Variants in NISCH observed in about 807,000 individuals in gnomAD.
NISCH encodes I-1 receptor candidate protein.
In NISCH, 55 loss-of-function variants were observed where a neutral mutation model predicts 138.4. That is an observed-to-expected ratio of 0.40 (90% CI 0.32 to 0.50). The LOEUF is 0.50. Ranked by LOEUF, NISCH falls within the 20% of genes least tolerant of loss-of-function variation. NISCH has a pLI of 0.71. For synonymous variants in NISCH, 860 were observed against 861.5 expected (o/e 1.00, Z 0.03); for missense variants, 1,643 against 2,005.5 (o/e 0.82, Z 3.45).
chr3:52,479,621 C>T (rs1219035256), intron 11 of NISCH, 128 bp from the exon 12 acceptor site: 13 of 715,100 alleles, frequency 1.8e-5, no homozygotes, highest in African/African-American at 1.4e-4. Flanking sequence ...GCTCACGCCT[C>T]CTCCTCAGCA....
rs1352527217 is a variant in NISCH, at chr3:52,487,343, G to A, written c.1851G>A (p.Gln617=). The change falls in exon 16 of 21, where the codon CAG becomes CAA. Residue 617 remains glutamine, a synonymous_variant. Coordinates refer to ENST00000345716, the MANE Select transcript of NISCH (RefSeq NM_007184.4). This position sits in a 1 kb window ranked among gnomAD's most constrained non-coding sequence, Gnocchi z 9.1. ...TGATCCGGCAGGCCATCGAGCGGCA[G>A]CTGCCTGCCTGGATCGAGGCTGCCA... ...STLIRQAIER[Q]LPAWIEAANQ... 1 of 1,613,908 alleles carries A rather than the reference G, an allele frequency of 6.2e-7. No homozygotes were observed. The highest frequency in any genetic ancestry group is 8.5e-7 in the Non-Finnish European group (1 of 1,180,048).
Position 52,490,757 on chromosome 3 carries a change from C to T in NISCH, c.3666C>T (p.Ser1222=). Reference sequence around the variant, plus strand: ...ACAACAACAGCCCTTTCCACATCTCCCAGTGCTTCGTGCTAAAGCTTAGTG... The same window carrying T: ...ACAACAACAGCCCTTTCCACATCTCTCAGTGCTTCGTGCTAAAGCTTAGTG... ...TDYNNSPFHI[S]QCFVLKLSDL... Residue 1222 remains serine (S), a synonymous_variant, in exon 19 of 21, where the codon TCC becomes TCT. Coordinates refer to ENST00000345716, the MANE Select transcript of NISCH (RefSeq NM_007184.4). 6.2e-7 allele frequency: 1 copy of T among 1,614,224 alleles called. No homozygotes were observed. Among genetic ancestry groups the T allele is most frequent in the Non-Finnish European group, 8.5e-7 (1 of 1,180,032 alleles).
intron 3 of NISCH, chr3:52,470,588 A>G (rs561765106): frequency 5.7e-6 from 3 of 525,122 alleles, no homozygotes; most frequent in East Asian, 3.2e-5. Flanking sequence ...CTCCTGGGCT[A>G]CAGTGCCCTT....
rs1477338359 is a variant in NISCH at position 52,490,186 on chromosome 3, G to T, written c.3568G>T (p.Val1190Leu). ...GCTCTCCACCAAGGCTGTGTACTTT[G>T]TGCTCCACGACGGCCTCCGCCGCTA... ...VLLSTKAVYF[V>L]LHDGLRRYFS... The change falls in exon 18 of 21, where the codon GTG (valine) becomes TTG (leucine). Residue 1190 changes from valine to leucine, a missense_variant. By Grantham distance (32) the Val-to-Leu change is conservative. Transcript: ENST00000345716. The T allele has an allele frequency of 1.2e-6, 2 of 1,613,278 alleles. No homozygotes were observed. Among genetic ancestry groups the T allele is most frequent in the Non-Finnish European group, 1.7e-6 (2 of 1,180,030 alleles).
rs775135784 is a variant in NISCH at position 52,473,847 on chromosome 3, C to G, written c.765+18C>G. On this transcript the variant is annotated intron_variant, in intron 7 of 20. Transcript: ENST00000345716. Reference sequence around the variant, plus strand: ...CGATGAAGGTAAGCTTCACCTATATCCTGCCTGGGGCAATGTCTGTGGATC... The same window carrying G: ...CGATGAAGGTAAGCTTCACCTATATGCTGCCTGGGGCAATGTCTGTGGATC... The G allele has an allele frequency of 2.6e-6, 4 of 1,567,298 alleles. No individual in the cohort carries two copies. Among genetic ancestry groups the G allele is most frequent in the Non-Finnish European group, 3.5e-6 (4 of 1,142,808 alleles).
At chr3:52,459,276 CA>C (rs1209365998) in intron 3 of NISCH, among the ~76,000 whole-genome samples, 3 of 152,154 alleles carry the variant, frequency 2.0e-5, no homozygotes, top group Non-Finnish European at 4.4e-5. Context: ...TCCGCGCTGC[CA>C]GGGTGCTAAG....
chr3:52,481,710 C>T (rs1707279906), intron 13 of NISCH: 1 of 985,566 alleles, frequency 1.0e-6, no homozygotes, highest in African/African-American at 1.7e-5. Flanking sequence ...GGTGGGGATG[C>T]ACCATGTCCC....
chr3:52,464,946 G>A (rs1176914500), intron 3 of NISCH, among the ~76,000 whole-genome samples: 1 of 152,148 alleles, frequency 6.6e-6, no homozygotes, highest in Middle Eastern at 3.2e-3. Flanking sequence ...GGGATAACAG[G>A]CGTAAGCCAC....
At position 52,491,385 on chromosome 3, in the gene NISCH, C is replaced by T. The variant is rs1439202011; in HGVS notation, c.3776C>T (p.Thr1259Met). ...STPMQVVTCL[T>M]RDSYLTHCFL... ...CCGATGCAGGTGGTCACGTGCTTGA[C>T]GCGGGACAGCTACCTGACGCACTGC... Residue 1259 changes from threonine to methionine, a missense_variant, in exon 20 of 21, where the codon ACG becomes ATG. Transcript: ENST00000345716. 1.9e-6 allele frequency: 3 copies of T among 1,612,946 alleles called. No individual in the cohort carries two copies. Among genetic ancestry groups the T allele is most frequent in the East Asian group, 2.2e-5 (1 of 44,886 alleles).
Position 52,480,194 on chromosome 3 carries a change from A to G in NISCH, c.1427A>G (p.Asp476Gly), listed in dbSNP as rs1238872057. ...LSNPEKKGGE[D>G]SRLSAAPCIR... ...AGCACTCGTCCTCAGGGTGGTGAAG[A>G]CTCCCGGCTCTCAGCTGCCCCCTGC... is the stretch of plus-strand genomic sequence containing the variant. The change falls in exon 13 of 21, where the codon GAC (aspartate) becomes GGC (glycine). Residue 476 changes from aspartate to glycine, a missense_variant. Coordinates refer to ENST00000345716, the MANE Select transcript of NISCH (RefSeq NM_007184.4). 2.5e-6 allele frequency: 4 copies of G among 1,612,034 alleles called. No homozygotes were observed. The South Asian group carries it at 4.4e-5, about 18-fold the overall frequency.
intron 3 of NISCH, among the ~76,000 whole-genome samples, chr3:52,461,372 C>G (rs1484001484): frequency 1.3e-5 from 2 of 152,166 alleles, no homozygotes; most frequent in African/African-American, 4.8e-5. Context: ...TTGGCAGGGA[C>G]AGGTGGAAAA....
Position 52,458,778 on chromosome 3 carries a change from G to C in NISCH, c.294G>C (p.Lys98Asn). Residue 98 changes from lysine (K) to asparagine (N), a missense_variant, in exon 3 of 21, where the codon AAG becomes AAC. Physicochemically the swap from Lys to Asn is moderately conservative, Grantham distance 94 (BLOSUM62 0). Transcript: ENST00000345716. ...AGGATCTGGAGGTCTACCTCCAGAAGCTCCTGGCTGCCTTCCCTGGCGTGA... is the reference window on the plus strand; with the variant it reads ...AGGATCTGGAGGTCTACCTCCAGAACCTCCTGGCTGCCTTCCCTGGCGTGA... ...REKDLEVYLQ[K>N]LLAAFPGVTP... 1 of 1,613,002 alleles carries C rather than the reference G, an allele frequency of 6.2e-7. No homozygotes were observed. The highest frequency in any genetic ancestry group is 1.3e-5 in the African/African-American group (1 of 75,020).
At chr3:52,484,462 T>TGGGGCGGCC in intron 13 of NISCH, 51 bp from the exon 14 acceptor site, 1 of 788,670 alleles carries the variant, frequency 1.3e-6, no homozygotes, top group Non-Finnish European at 1.8e-6. Context: ...ACAGCCGCTC[T>TGGGGCGGCC]CCCCGCCCCA....
chr3:52,460,400 ATTTTTT>A (rs60949920), intron 3 of NISCH, among the ~76,000 whole-genome samples: 1 of 114,436 alleles, frequency 8.7e-6, no homozygotes, highest in Non-Finnish European at 1.8e-5. Flanking sequence ...TGGCTGTACT[ATTTTTT>A]TTTTTTTTTT....
chr3:52,484,319 T>C, intron 13 of NISCH, 194 bp from the exon 14 acceptor site: 1 of 553,688 alleles, frequency 1.8e-6, no homozygotes. Flanking sequence ...AGATAAGCAG[T>C]CATTTGTTCT....
intron 7 of NISCH, 55 bp downstream of exon 7, chr3:52,473,884 C>A: frequency 1.6e-6 from 2 of 1,212,316 alleles, no homozygotes; most frequent in Middle Eastern, 2.5e-4. Flanking sequence ...GGGTCCTGGG[C>A]TGTGGTCTCC....
chr3:52,459,759 C>T (rs1002324139), intron 3 of NISCH, among the ~76,000 whole-genome samples: 2 of 151,688 alleles, frequency 1.3e-5, no homozygotes, highest in Admixed American at 6.6e-5. Flanking sequence ...AATAGCAGTT[C>T]TATTTATGAG....
At chr3:52,460,210 AAATC>A (rs1353324105) in intron 3 of NISCH, among the ~76,000 whole-genome samples, 2 of 150,580 alleles carry the variant, frequency 1.3e-5, no homozygotes, top group African/African-American at 4.9e-5. Context: ...AAAAAAAAAA[AAATC>A]AAAGGGTACA....
intron 3 of NISCH, among the ~76,000 whole-genome samples, chr3:52,461,520 C>T (rs1441136599): frequency 6.6e-6 from 1 of 152,120 alleles, no homozygotes; most frequent in African/African-American, 2.4e-5. Flanking sequence ...ATTTGCATTC[C>T]TTATGCAAGT....
Sources: gnomAD v4.1 joint callset for allele counts (sites outside exome capture counted in the v4.1 genomes callset) on GRCh38, gnomAD v4.1.1 for gene constraint, Gnocchi (gnomAD v3.1) non-coding constraint, MANE v1.5 for transcripts, NCBI Gene and HGNC (gene_info 2026-07-23, HGNC 2026-07-21) for gene names.